RNF130: variants seen among roughly 807,000 people sequenced by gnomAD.
RNF130 encodes the protein E3 ubiquitin-protein ligase RNF130.
In RNF130, 21 loss-of-function variants were observed where a neutral mutation model predicts 44.6. That is an observed-to-expected ratio of 0.47 (90% confidence interval 0.33 to 0.68). The LOEUF (loss-of-function observed/expected upper bound fraction) is 0.68. Among genes scored for constraint, RNF130 ranks in the 30% least tolerant of loss-of-function variants. The probability of loss-of-function intolerance (pLI) is 0.02; values close to 1 mark genes in which losing one functional copy is unlikely to be tolerated. For synonymous variants in RNF130, 214 were observed against 210.4 expected (o/e 1.02, Z -0.15); for missense variants, 479 against 560.6 (o/e 0.85, Z 1.47).
At chr5:180,064,467 G>A (rs929021188) in intron 1 of RNF130, among the ~76,000 whole-genome samples, 1 of 152,114 alleles carries the variant, frequency 6.6e-6, no homozygotes, top group Non-Finnish European at 1.5e-5. Context: ...TAGTTCTTCT[G>A]GTGGTCTATT....
intron 1 of RNF130, among the ~76,000 whole-genome samples, chr5:180,043,672 G>A (rs1764480082): frequency 6.6e-6 from 1 of 151,928 alleles, no homozygotes; most frequent in African/African-American, 2.4e-5. Flanking sequence ...TACTGCAGGA[G>A]GACTTTAAAA....
downstream of RNF130, among the ~76,000 whole-genome samples, chr5:179,951,731 T>A (rs900540102): frequency 6.6e-6 from 1 of 152,166 alleles, no homozygotes; most frequent in African/African-American, 2.4e-5. Flanking sequence ...AACCAATAAC[T>A]GAATTTAGAA....
At chr5:179,939,650 G>T in intron 7 of RNF130, 1 of 465,300 alleles carries the variant, frequency 2.1e-6, no homozygotes, top group Non-Finnish European at 4.3e-6. Flanking sequence ...AGAGAATGAA[G>T]TGAGGCCCTG....
chr5:179,971,591 C>G (rs1273036021), intron 5 of RNF130, among the ~76,000 whole-genome samples: 1 of 152,066 alleles, frequency 6.6e-6, no homozygotes, highest in African/African-American at 2.4e-5. Context: ...GGATGGTTTC[C>G]ATCTCCTGAC....
chr5:180,069,612 C>G (rs1043722534), intron 1 of RNF130, among the ~76,000 whole-genome samples: 3 of 152,184 alleles, frequency 2.0e-5, no homozygotes, highest in Non-Finnish European at 2.9e-5. Flanking sequence ...CAAATCTCCT[C>G]TTTTCAGAAT....
At chr5:179,986,570 C>T (rs1231391166) in intron 3 of RNF130, among the ~76,000 whole-genome samples, 1 of 152,216 alleles carries the variant, frequency 6.6e-6, no homozygotes, top group East Asian at 1.9e-4. Context: ...TTCAAGTGGA[C>T]ACTGGCAACA....
intron 3 of RNF130, among the ~76,000 whole-genome samples, chr5:180,005,450 C>CAA (rs1763445467): frequency 6.8e-6 from 1 of 146,674 alleles, no homozygotes; most frequent in South Asian, 2.1e-4. Context: ...AACAACAACA[C>CAA]CAACAGAAAC....
intron 1 of RNF130, among the ~76,000 whole-genome samples, chr5:180,059,290 C>T (rs982578458): frequency 6.6e-6 from 1 of 152,200 alleles, no homozygotes; most frequent in African/African-American, 2.4e-5. Flanking sequence ...GCCTTGACCA[C>T]CCTAGACTGA....
intron 7 of RNF130, among the ~76,000 whole-genome samples, chr5:179,964,638 T>C (rs1294550617): frequency 1.3e-5 from 2 of 152,232 alleles, no homozygotes; most frequent in Non-Finnish European, 2.9e-5. Context: ...GCATGCAGAA[T>C]TGTGTGTGCA....
chr5:179,963,429 G>T, intron 8 of RNF130, 42 bp downstream of exon 8: 1 of 1,476,988 alleles, frequency 6.8e-7, no homozygotes, highest in Non-Finnish European at 9.4e-7. Context: ...GTTTTCCTGG[G>T]ATCATCTGGC....
At chr5:180,046,652 G>A (rs1209681017) in intron 1 of RNF130, among the ~76,000 whole-genome samples, 2 of 152,146 alleles carry the variant, frequency 1.3e-5, no homozygotes, top group East Asian at 1.9e-4. Context: ...GAGCCTGTGT[G>A]TGTCACTTCA....
At chr5:179,924,884 T>C (rs917686127) in intron 7 of RNF130, among the ~76,000 whole-genome samples, 1 of 152,160 alleles carries the variant, frequency 6.6e-6, no homozygotes, top group Non-Finnish European at 1.5e-5. Context: ...AGGTCCCACA[T>C]AAAATATGAG....
chr5:180,070,464 CATAAT>C (rs1332976552), intron 1 of RNF130, among the ~76,000 whole-genome samples: 1 of 152,152 alleles, frequency 6.6e-6, no homozygotes, highest in African/African-American at 2.4e-5. Flanking sequence ...CTCAGAGGGG[CATAAT>C]ATGTTAGTAT....
At chr5:180,004,225 G>A (rs1356416005) in intron 3 of RNF130, among the ~76,000 whole-genome samples, 2 of 152,136 alleles carry the variant, frequency 1.3e-5, no homozygotes, top group Admixed American at 6.5e-5. Context: ...ACTAAATGAA[G>A]TACAAACCCT....
In RNF130 at chr5:180,017,932, A is replaced by AGCGTAATGAGCTGTATTAGTCTGTTCTC. The variant is rs1185788663; in HGVS notation, c.443-4649_443-4622dup. The stretch of plus-strand genomic sequence containing the variant: ...ACAGCAGATGTTCAGTAACTGCTGC[A>AGCGTAATGAGCTGTATTAGTCTGTTCTC]GCGTAATGAGCTGTATTAGTCTGTT... On this transcript the variant is annotated intron_variant, in intron 2 of 8. Coordinates refer to ENST00000521389, the MANE Select transcript of RNF130 (RefSeq NM_018434.6). 2.6e-5 allele frequency among the ~76,000 whole-genome samples: 4 copies of AGCGTAATGAGCTGTATTAGTCTGTTCTC among 152,222 alleles called. No homozygotes were observed. In the East Asian group the frequency reaches 7.7e-4, roughly 29 times the overall value.
chr5:180,069,956 G>T (rs1403707899), intron 1 of RNF130, among the ~76,000 whole-genome samples: 3 of 152,194 alleles, frequency 2.0e-5, no homozygotes, highest in Non-Finnish European at 4.4e-5. Flanking sequence ...CACCGTGGAG[G>T]AAGGATCTGA....
intron 7 of RNF130, among the ~76,000 whole-genome samples, chr5:179,936,174 T>A (rs1761889497): frequency 6.6e-6 from 1 of 152,190 alleles, no homozygotes; most frequent in South Asian, 2.1e-4. Context: ...CAGGCTGGAG[T>A]GCAGAGGCAC....
chr5:179,984,075 T>C (rs1016141712), intron 3 of RNF130, among the ~76,000 whole-genome samples: 8 of 152,276 alleles, frequency 5.3e-5, no homozygotes, highest in Middle Eastern at 3.4e-3. Flanking sequence ...ACCAATTCAA[T>C]TATTCATTAC....
intron 3 of RNF130, among the ~76,000 whole-genome samples, chr5:179,987,705 T>G (rs1762986642): frequency 6.6e-6 from 1 of 152,262 alleles, no homozygotes; most frequent in Non-Finnish European, 1.5e-5. Context: ...CAAACGCCTT[T>G]TCTGTGTCTA....
Sources: gnomAD v4.1 joint callset for allele counts (sites outside exome capture counted in the v4.1 genomes callset) on GRCh38, gnomAD v4.1.1 for gene constraint, MANE v1.5 for transcripts, NCBI Gene and HGNC (gene_info 2026-07-23, HGNC 2026-07-21) for gene names.